Variants in PRSS56 observed in about 807,000 individuals in gnomAD.
PRSS56 encodes the protein serine protease 56, also known as protease, serine 56.
In PRSS56, 55 loss-of-function variants were observed where a neutral mutation model predicts 66.8. That is an observed-to-expected ratio of 0.82 (90% CI 0.66 to 1.03). The LOEUF (loss-of-function observed/expected upper bound fraction) is 1.03. Among genes scored for constraint, PRSS56 ranks in the 50% least tolerant of loss-of-function variants. PRSS56 has a pLI of 0.00. For synonymous variants in PRSS56, 409 were observed against 387.9 expected, an observed-to-expected ratio of 1.05 and a Z score of -0.64; for missense variants, 869 against 837.2, an observed-to-expected ratio of 1.04 and a Z score of -0.47.
chr2:232,524,604 TCA>T (rs1228145742), intron 11 of PRSS56, 132 bp from the exon 12 acceptor site: 7 of 739,972 alleles, frequency 9.5e-6, no homozygotes, highest in Non-Finnish European at 1.5e-5. Flanking sequence ...TCTCCGAGCC[TCA>T]GTTTCCCCAC....
At chr2:232,521,753 C>G in intron 2 of PRSS56, 63 bp from the exon 3 acceptor site, 1 of 1,492,178 alleles carries the variant, frequency 6.7e-7, no homozygotes, top group Non-Finnish European at 9.0e-7. Flanking sequence ...GAGGCTCGGC[C>G]CAGCCTGGGG....
intron 4 of PRSS56, 72 bp from the exon 5 acceptor site, chr2:232,522,443 G>A: frequency 7.6e-7 from 1 of 1,315,632 alleles, no homozygotes; most frequent in Non-Finnish European, 1.0e-6. Flanking sequence ...CGGGCGGAGG[G>A]GCAGGGTCTC....
chr2:232,521,227 G>A, intron 1 of PRSS56, 94 bp from the exon 2 acceptor site: 1 of 948,338 alleles, frequency 1.1e-6, no homozygotes, highest in Non-Finnish European at 1.6e-6. Flanking sequence ...CAGGCTGGTG[G>A]GTCTCCCGAG....
chr2:232,524,595 C>G (rs1391229022), intron 11 of PRSS56, 143 bp from the exon 12 acceptor site: 20 of 719,312 alleles, frequency 2.8e-5, no homozygotes, highest in Middle Eastern at 4.0e-4. Context: ...TGCTTAACTT[C>G]TCCGAGCCTC....
In PRSS56 at chr2:232,522,193, G is replaced by A. The variant is rs548671338; in HGVS notation, c.446+33G>A. 1,097 of 1,433,120 alleles carry A rather than the reference G, an allele frequency of 7.7e-4. 4 individuals carry two copies. The highest frequency in any genetic ancestry group is 4.6e-3 in the Middle Eastern group (22 of 4,782). 88.8% of individuals were successfully genotyped at this position (1,433,120 alleles called of 1,614,324 possible). On this transcript the variant is annotated intron_variant, in intron 4 of 12. Transcript: ENST00000617714. ...GGACCCCCAGGCCTTGCCCAGCTGGGGTCCCCGGCGCTGGGCCCCGCACCT... is the reference window on the plus strand; with the variant it reads ...GGACCCCCAGGCCTTGCCCAGCTGGAGTCCCCGGCGCTGGGCCCCGCACCT...
In PRSS56 at chr2:232,521,946, C is replaced by T. The variant is rs1383760434; in HGVS notation, c.257-25C>T. ...GCGAGGATGGCCAGAACATGTCCCT[C>T]GTGACACCCCTTGCCCCTTTCTAGG... is the stretch of plus-strand genomic sequence containing the variant. On this transcript the variant is annotated intron_variant, in intron 3 of 12. Transcript: ENST00000617714. 5.3e-6 allele frequency: 8 copies of T among 1,507,998 alleles called. No individual in the cohort carries two copies. The African/African-American group carries it at 9.7e-5, about 18-fold the overall frequency. The allele number at this position is 1,507,998 out of a possible 1,614,324, so 93.4% of individuals were successfully genotyped here. A position where few individuals can be genotyped will look rare whatever the true frequency, so the allele number is the denominator to read the frequency against.
Position 232,522,694 on chromosome 2 carries a change from C to T in PRSS56, c.547-8C>T. 1 of 1,534,144 alleles carries T rather than the reference C, an allele frequency of 6.5e-7. No individual in the cohort carries two copies. The highest frequency in any genetic ancestry group is 2.5e-5 in the East Asian group (1 of 40,798). On this transcript the variant is annotated splice_region_variant and splice_polypyrimidine_tract_variant and intron_variant, in intron 5 of 12. Coordinates refer to ENST00000617714, the MANE Select transcript of PRSS56 (RefSeq NM_001195129.2). ...TTCCTTGACCCTGCGCCGCCTCCCC[C>T]TCCTCAGTTTGACCCGCGGACCTTC...
chr2:232,524,125 G>T lies in PRSS56; in HGVS notation c.1273G>T (p.Ala425Ser), dbSNP rs1691348673. The T allele has an allele frequency of 4.0e-6, 6 of 1,511,758 alleles. No individual in the cohort carries two copies. Among genetic ancestry groups the T allele is most frequent in the Non-Finnish European group, 4.4e-6 (5 of 1,137,150 alleles). 93.6% of individuals were successfully genotyped at this position (1,511,758 alleles called of 1,614,324 possible). ...LGPRPGLRRL[A>S]PALALPAPAL... ...GCCTCGTCCGGGACTGCGGCGCCTGGCCCCCGCCCTGGCTCTCCCCGCTCC... is the reference window on the plus strand; with the variant it reads ...GCCTCGTCCGGGACTGCGGCGCCTGTCCCCCGCCCTGGCTCTCCCCGCTCC... Residue 425 changes from alanine to serine, a missense_variant, in exon 10 of 13, where the codon GCC (alanine) becomes TCC (serine). By Grantham distance (99) the Ala-to-Ser change is moderately conservative. Coordinates refer to ENST00000617714, the MANE Select transcript of PRSS56 (RefSeq NM_001195129.2).
At chr2:232,522,206 G>A in intron 4 of PRSS56, 46 bp downstream of exon 4, 3 of 1,408,320 alleles carry the variant, frequency 2.1e-6, no homozygotes, top group Non-Finnish European at 2.8e-6. Context: ...CCCCGGCGCT[G>A]GGCCCCGCAC....
In PRSS56 at chr2:232,524,831, T is replaced by C; in HGVS notation, c.1508T>C (p.Met503Thr). ...ILQVPSEHLA[M>T]NFHEVLADLG... ...CAGGTCCCCTCGGAGCACCTGGCCA[T>C]GAACTTTCATGAGGTAGGTCCCCAG... Residue 503 changes from methionine (M) to threonine (T), a missense_variant, in exon 12 of 13, where the codon ATG becomes ACG. Physicochemically the swap from Met to Thr is moderately conservative, Grantham distance 81. Transcript: ENST00000617714. The C allele has an allele frequency of 6.5e-7, 1 of 1,534,968 alleles. No individual in the cohort carries two copies. The highest frequency in any genetic ancestry group is 8.7e-7 in the Non-Finnish European group (1 of 1,145,992).
Position 232,522,091 on chromosome 2 carries a change from G to T in PRSS56, c.377G>T (p.Gly126Val). 6.6e-7 allele frequency: 1 copy of T among 1,517,354 alleles called. No individual in the cohort carries two copies. Among genetic ancestry groups the T allele is most frequent in the Non-Finnish European group, 8.8e-7 (1 of 1,139,358 alleles). The allele number at this position is 1,517,354 out of a possible 1,614,324, so 94.0% of individuals were successfully genotyped here. ...WPWLVRLQLG[G>V]QPLCGGVLVA... Reference sequence around the variant, plus strand: ...TGGCTGGTGAGGCTGCAGCTCGGCGGGCAGCCTCTGTGCGGCGGCGTCCTG... The same window carrying T: ...TGGCTGGTGAGGCTGCAGCTCGGCGTGCAGCCTCTGTGCGGCGGCGTCCTG... Residue 126 changes from glycine (G) to valine (V), a missense_variant, in exon 4 of 13, where the codon GGG (glycine) becomes GTG (valine). Around this residue, in one of 3 missense-constraint regions of PRSS56, gnomAD observed 315 missense variants for 313.7 expected, o/e 1.00. Transcript: ENST00000617714.
chr2:232,523,550 C>A lies in PRSS56; in HGVS notation c.984C>A (p.Phe328Leu). The change falls in exon 8 of 13, where the codon TTC (phenylalanine) becomes TTA (leucine). Residue 328 changes from phenylalanine to leucine, a missense_variant. Coordinates refer to ENST00000617714, the MANE Select transcript of PRSS56 (RefSeq NM_001195129.2). ...GGGTCTACACCCGCGTGGCAGTGTT[C>A]AAGGACTGGCTCCAGGAGCAGATGA... ...KPGVYTRVAV[F>L]KDWLQEQMSA... 23 of 1,531,414 alleles carry A rather than the reference C, an allele frequency of 1.5e-5. No homozygotes were observed. The highest frequency in any genetic ancestry group is 2.0e-5 in the Non-Finnish European group (23 of 1,145,226). The allele number at this position is 1,531,414 out of a possible 1,614,324, so 94.9% of individuals were successfully genotyped here.
At position 232,524,129 on chromosome 2, in the gene PRSS56, C is replaced by T; in HGVS notation, c.1277C>T (p.Pro426Leu). ...GPRPGLRRLA[P>L]ALALPAPALR... is the part of the protein sequence containing the mutation. The stretch of plus-strand genomic sequence containing the variant: ...CGTCCGGGACTGCGGCGCCTGGCCC[C>T]CGCCCTGGCTCTCCCCGCTCCAGCG... Residue 426 changes from proline to leucine, a missense_variant, in exon 10 of 13, where the codon CCC becomes CTC. Coordinates refer to ENST00000617714, the MANE Select transcript of PRSS56 (RefSeq NM_001195129.2). 6.6e-7 allele frequency: 1 copy of T among 1,511,134 alleles called. No homozygotes were observed. The highest frequency in any genetic ancestry group is 1.2e-5 in the South Asian group (1 of 80,750). The allele number at this position is 1,511,134 out of a possible 1,614,324, so 93.6% of individuals were successfully genotyped here.
intron 12 of PRSS56, 65 bp from the exon 13 acceptor site, chr2:232,525,151 G>A (rs1345445397): frequency 2.1e-6 from 3 of 1,395,754 alleles, no homozygotes; most frequent in Non-Finnish European, 2.8e-6. Context: ...GAGAGGGGGT[G>A]ACCTCTGGGG....
Position 232,523,876 on chromosome 2 carries a change from T to C in PRSS56, c.1117T>C (p.Cys373Arg). The C allele has an allele frequency of 6.5e-7, 1 of 1,529,200 alleles. No homozygotes were observed. The highest frequency in any genetic ancestry group is 8.7e-7 in the Non-Finnish European group (1 of 1,143,436). The allele number at this position is 1,529,200 out of a possible 1,614,324, so 94.7% of individuals were successfully genotyped here. Residue 373 changes from cysteine to arginine, a missense_variant, in exon 9 of 13, where the codon TGC (cysteine) becomes CGC (arginine). Cys to Arg is a radical substitution (Grantham distance 180). Coordinates refer to ENST00000617714, the MANE Select transcript of PRSS56 (RefSeq NM_001195129.2). ...ARLCAFYARL[C>R]PGSQGACARL... The stretch of plus-strand genomic sequence containing the variant: ...GCTCTGCGCCTTCTATGCCCGCCTG[T>C]GCCCGGGGTCCCAGGGCGCCTGTGC...
intron 7 of PRSS56, 52 bp from the exon 8 acceptor site, chr2:232,523,364 C>A: frequency 7.0e-7 from 1 of 1,427,842 alleles, no homozygotes. Flanking sequence ...AGGCGTAAGG[C>A]AGGCGTCATA....
chr2:232,521,282 C>A, intron 1 of PRSS56, 39 bp from the exon 2 acceptor site: 2 of 1,478,150 alleles, frequency 1.4e-6, no homozygotes, highest in Non-Finnish European at 1.8e-6. Flanking sequence ...TGAGGCTCTT[C>A]CCCAACCACG....
rs1691351311 is a variant in PRSS56 at position 232,524,185 on chromosome 2, G to A, written c.1333G>A (p.Glu445Lys). Residue 445 changes from glutamate to lysine, a missense_variant, in exon 10 of 13, where the codon GAG becomes AAG. Glu to Lys is a moderately conservative substitution (Grantham distance 56). Coordinates refer to ENST00000617714, the MANE Select transcript of PRSS56 (RefSeq NM_001195129.2). ...LRESPLHPAR[E>K]LRLHSGSRAA... ...GGAGTCTCCTCTGCACCCCGCCCGG[G>A]AGCTGCGGCTTCACTCAGGTACCCC... The A allele has an allele frequency of 2.0e-6, 3 of 1,529,788 alleles. No homozygotes were observed. The highest frequency in any genetic ancestry group is 2.6e-6 in the Non-Finnish European group (3 of 1,143,492). 94.8% of individuals were successfully genotyped at this position (1,529,788 alleles called of 1,614,324 possible). A position where few individuals can be genotyped will look rare whatever the true frequency, so the allele number is the denominator to read the frequency against.
chr2:232,524,988 T>A (rs1691388972), intron 12 of PRSS56, 144 bp downstream of exon 12: 1 of 723,650 alleles, frequency 1.4e-6, no homozygotes, highest in Non-Finnish European at 2.1e-6. Flanking sequence ...AGGTAGAGGG[T>A]CCGAGGGGAA....
Sources: gnomAD v4.1 joint callset for allele counts on GRCh38, gnomAD v4.1.1 for gene constraint, gnomAD v4.1.1 regional missense constraint, MANE v1.5 for transcripts, NCBI Gene and HGNC (gene_info 2026-07-23, HGNC 2026-07-21) for gene names.